Variants in PDZRN4 observed in about 807,000 individuals in gnomAD.
PDZRN4 encodes the protein PDZ domain containing ring finger 4.
In PDZRN4, 70 loss-of-function variants were observed where a neutral mutation model predicts 99.0. That is an observed-to-expected ratio of 0.71 (90% CI 0.58 to 0.86). The LOEUF (loss-of-function observed/expected upper bound fraction) is 0.86. Ranked by LOEUF, PDZRN4 falls within the 40% of genes least tolerant of loss-of-function variation. The pLI is 0.00. For missense variants in PDZRN4, 1,474 were observed against 1,331.2 expected (o/e 1.11, Z -1.67); for synonymous variants, 551 against 501.6 (o/e 1.10, Z -1.32).
intron 3 of PDZRN4, among the ~76,000 whole-genome samples, chr12:41,301,267 C>T (rs1056340465): frequency 2.6e-5 from 4 of 151,976 alleles, no homozygotes; most frequent in Non-Finnish European, 5.9e-5. Flanking sequence ...CTTCCAGATA[C>T]GCACTGTGAG....
chr12:41,570,730 T>A (rs1441045068), intron 9 of PDZRN4, among the ~76,000 whole-genome samples: 1 of 152,162 alleles, frequency 6.6e-6, no homozygotes, highest in African/African-American at 2.4e-5. Context: ...TATAAAGACA[T>A]TGCCATATTA....
At chr12:41,313,785 C>T (rs980078225) in intron 3 of PDZRN4, among the ~76,000 whole-genome samples, 2 of 152,118 alleles carry the variant, frequency 1.3e-5, no homozygotes, top group Non-Finnish European at 2.9e-5. Context: ...CTTTTTATTG[C>T]CAGGTACAAA....
rs568958299 is a variant in PDZRN4 at position 41,521,360 on chromosome 12, G to T, written c.1203+11447G>T. On this transcript the variant is annotated intron_variant, in intron 5 of 9. Coordinates refer to ENST00000402685, the MANE Select transcript of PDZRN4 (RefSeq NM_001164595.2). ...TCAGTAGGAATGAAGGATTCTATAA[G>T]AAGCAGTTACCAAATAGGAATTTGC... Among the ~76,000 whole-genome samples, 10 of 152,160 alleles carry T rather than the reference G, an allele frequency of 6.6e-5. No homozygotes were observed. In the South Asian group the frequency reaches 2.1e-3, roughly 32 times the overall value.
intron 3 of PDZRN4, among the ~76,000 whole-genome samples, chr12:41,232,136 C>T (rs1951032839): frequency 6.6e-6 from 1 of 151,934 alleles, no homozygotes; most frequent in African/African-American, 2.4e-5. Flanking sequence ...AGTGGAACCA[C>T]TGAGATTATA....
intron 3 of PDZRN4, among the ~76,000 whole-genome samples, chr12:41,478,143 A>T (rs1565593457): frequency 6.6e-6 from 1 of 151,740 alleles, no homozygotes; most frequent in Admixed American, 6.6e-5. Context: ...GGAGACGAAG[A>T]CTCACTCTGT....
At chr12:41,339,408 T>C (rs1470299051) in intron 3 of PDZRN4, among the ~76,000 whole-genome samples, 1 of 152,058 alleles carries the variant, frequency 6.6e-6, no homozygotes, top group Non-Finnish European at 1.5e-5. Context: ...TCTCACAAAA[T>C]ACAAACATCA....
At chr12:41,536,007 C>T (rs928391973) in intron 5 of PDZRN4, among the ~76,000 whole-genome samples, 11 of 152,080 alleles carry the variant, frequency 7.2e-5, no homozygotes, top group Non-Finnish European at 1.2e-4. Context: ...AGAGTATAGC[C>T]GTCGGGTTCC....
intron 3 of PDZRN4, among the ~76,000 whole-genome samples, chr12:41,387,615 T>C (rs1952181452): frequency 6.6e-6 from 1 of 151,906 alleles, no homozygotes; most frequent in Non-Finnish European, 1.5e-5. Context: ...AAAATGGGCA[T>C]AGGCCATGAA....
At chr12:41,193,621 G>A (rs929175438) in intron 2 of PDZRN4, among the ~76,000 whole-genome samples, 8 of 152,170 alleles carry the variant, frequency 5.3e-5, no homozygotes, top group African/African-American at 1.9e-4. Context: ...CTAGAGCTAT[G>A]TTTCTAAATC....
chr12:41,537,574 T>C (rs979797624), intron 5 of PDZRN4, among the ~76,000 whole-genome samples: 1 of 152,232 alleles, frequency 6.6e-6, no homozygotes, highest in Admixed American at 6.5e-5. Flanking sequence ...TTGTTTGAGA[T>C]CAGATTACAG....
chr12:41,203,696 C>T (rs968912110), intron 3 of PDZRN4, among the ~76,000 whole-genome samples: 1 of 151,962 alleles, frequency 6.6e-6, no homozygotes, highest in Non-Finnish European at 1.5e-5. Flanking sequence ...ACAGTAAGAG[C>T]TCCTGTATCT....
chr12:41,219,787 C>A (rs565025004), intron 3 of PDZRN4, among the ~76,000 whole-genome samples: 4 of 152,228 alleles, frequency 2.6e-5, no homozygotes, highest in Admixed American at 2.6e-4. Context: ...TATCTCAAAG[C>A]TGTGTTATGC....
chr12:41,545,257 C>A (rs866348610), intron 5 of PDZRN4, among the ~76,000 whole-genome samples: 1 of 152,216 alleles, frequency 6.6e-6, no homozygotes, highest in Non-Finnish European at 1.5e-5. Flanking sequence ...CCTCACCCAG[C>A]CCAATCTTAA....
chr12:41,549,296 A>G (rs1939014155), intron 5 of PDZRN4, among the ~76,000 whole-genome samples: 1 of 152,206 alleles, frequency 6.6e-6, no homozygotes, highest in Non-Finnish European at 1.5e-5. Flanking sequence ...TTCAGAAGTC[A>G]GAGGCTTGTG....
At chr12:41,560,364 T>C (rs1163552002) in intron 7 of PDZRN4, among the ~76,000 whole-genome samples, 1 of 152,034 alleles carries the variant, frequency 6.6e-6, no homozygotes, top group Non-Finnish European at 1.5e-5. Flanking sequence ...CACACACACA[T>C]ACAAAACACA....
intron 3 of PDZRN4, among the ~76,000 whole-genome samples, chr12:41,345,445 G>A (rs1281461956): frequency 6.6e-6 from 1 of 152,166 alleles, no homozygotes; most frequent in African/African-American, 2.4e-5. Flanking sequence ...GCATCAGGAG[G>A]AGGAAATTGA....
intron 5 of PDZRN4, among the ~76,000 whole-genome samples, chr12:41,541,578 C>G (rs546515325): frequency 1.3e-5 from 2 of 151,710 alleles, no homozygotes; most frequent in African/African-American, 4.8e-5. Context: ...CTCAGCCTCC[C>G]GAGTAGCTGG....
At chr12:41,374,790 A>C (rs981553188) in intron 3 of PDZRN4, among the ~76,000 whole-genome samples, 1 of 152,186 alleles carries the variant, frequency 6.6e-6, no homozygotes, top group Non-Finnish European at 1.5e-5. Context: ...AAATATGTAC[A>C]CAAATTCTTT....
chr12:41,557,909 T>C (rs915139889), intron 7 of PDZRN4, among the ~76,000 whole-genome samples: 3 of 152,156 alleles, frequency 2.0e-5, no homozygotes, highest in Non-Finnish European at 4.4e-5. Context: ...CATAGTCTTG[T>C]TGACCACTGC....
Sources: gnomAD v4.1 joint callset for allele counts (sites outside exome capture counted in the v4.1 genomes callset) on GRCh38, gnomAD v4.1.1 for gene constraint, MANE v1.5 for transcripts, NCBI Gene and HGNC (gene_info 2026-07-23, HGNC 2026-07-21) for gene names.